MMP26: variants seen among roughly 807,000 people sequenced by gnomAD.
The protein encoded by MMP26 is matrix metalloproteinase-26.
MMP26 carries 33 observed loss-of-function variants against 31.0 expected under a neutral mutation model. The ratio of observed to expected loss-of-function variants is 1.06; its 90% CI spans 0.81 to 1.42. MMP26 has a LOEUF of 1.42. Ranked by LOEUF, MMP26 falls within the 40% of genes most tolerant of loss-of-function variation. MMP26 has a pLI of 0.00. For synonymous variants in MMP26, 122 were observed against 114.9 expected, an observed-to-expected ratio of 1.06 and a Z score of -0.40; for missense variants, 347 against 316.1, an observed-to-expected ratio of 1.10 and a Z score of -0.74.
At position 4,772,862 on chromosome 11, in the gene MMP26, C is replaced by T. The variant is rs117756283; in HGVS notation, c.-145+5521C>T. On this transcript the variant is annotated intron_variant, in intron 2 of 7. Coordinates refer to ENST00000380390, the MANE Select transcript of MMP26 (RefSeq NM_021801.5). Reference sequence around the variant, plus strand: ...AATAATACCAGTAATTTGTTCCTCACTCAGCTATTTTTCTTTGATTTCTAC... The same window carrying T: ...AATAATACCAGTAATTTGTTCCTCATTCAGCTATTTTTCTTTGATTTCTAC... Among the ~76,000 whole-genome samples the T allele has an allele frequency of 2.9e-3, 444 of 152,222 alleles. 2 individuals carry two copies. Among genetic ancestry groups the T allele is most frequent in the Non-Finnish European group, 3.5e-3 (241 of 68,008 alleles).
intron 1 of MMP26, among the ~76,000 whole-genome samples, chr11:4,732,490 G>A (rs2133284961): frequency 6.8e-6 from 1 of 146,158 alleles, no homozygotes; most frequent in East Asian, 2.0e-4. Flanking sequence ...TTTTGTGGCT[G>A]TACTTAATGT....
intron 1 of MMP26, among the ~76,000 whole-genome samples, chr11:4,748,639 C>T (rs554809005): frequency 3.7e-4 from 54 of 147,504 alleles, no homozygotes; most frequent in African/African-American, 1.1e-3. Context: ...GATGTCGCAA[C>T]GTAGGCAAAT....
chr11:4,941,812 G>A (rs1309743244), intron 2 of MMP26, among the ~76,000 whole-genome samples: 5 of 151,566 alleles, frequency 3.3e-5, no homozygotes, highest in Admixed American at 6.6e-5. Flanking sequence ...CCTGCTAGGT[G>A]CCGTGGCTCA....
At chr11:4,914,710 T>G (rs1490081614) in intron 2 of MMP26, 3 of 1,595,418 alleles carry the variant, frequency 1.9e-6, no homozygotes, top group Non-Finnish European at 2.6e-6. Flanking sequence ...GCTCTAACAC[T>G]AGACACAGTT....
chr11:4,879,882 C>T (rs1009374674), intron 2 of MMP26, among the ~76,000 whole-genome samples: 1 of 152,120 alleles, frequency 6.6e-6, no homozygotes, highest in African/African-American at 2.4e-5. Flanking sequence ...TCTTTCTGCT[C>T]TCCTAATCCA....
At chr11:4,881,855 CTT>C (rs1472602933) in intron 2 of MMP26, 13 of 1,507,300 alleles carry the variant, frequency 8.6e-6, no homozygotes, top group Non-Finnish European at 1.2e-5. Context: ...TATAAAGAAT[CTT>C]AATTATTTTT....
chr11:4,720,814 A>T (rs1299542506), intron 1 of MMP26, among the ~76,000 whole-genome samples: 1 of 152,212 alleles, frequency 6.6e-6, no homozygotes, highest in African/African-American at 2.4e-5. Context: ...GCTATAGCTC[A>T]TGCCTCAGGA....
chr11:4,857,829 A>T (rs1393550434), intron 2 of MMP26, among the ~76,000 whole-genome samples: 1 of 152,192 alleles, frequency 6.6e-6, no homozygotes, highest in Admixed American at 6.5e-5. Flanking sequence ...ATACTCAATA[A>T]AATACTGGCA....
chr11:4,838,932 G>C (rs1489872523), intron 2 of MMP26, among the ~76,000 whole-genome samples: 1 of 152,162 alleles, frequency 6.6e-6, no homozygotes, highest in African/African-American at 2.4e-5. Context: ...ATGCCGCGCT[G>C]CCCCTGTCAT....
intron 2 of MMP26, chr11:4,915,033 TAG>T: frequency 6.2e-7 from 1 of 1,613,936 alleles, no homozygotes; most frequent in Non-Finnish European, 8.5e-7. Flanking sequence ...ATACCCACTG[TAG>T]AGACGATGAC....
At chr11:4,733,388 C>G (rs1848198883) in intron 1 of MMP26, among the ~76,000 whole-genome samples, 1 of 152,032 alleles carries the variant, frequency 6.6e-6, no homozygotes, top group African/African-American at 2.4e-5. Flanking sequence ...AGTCTTATGC[C>G]TCTTTAATTG....
chr11:4,846,899 T>A (rs889932461), intron 2 of MMP26, among the ~76,000 whole-genome samples: 5 of 152,162 alleles, frequency 3.3e-5, no homozygotes, highest in African/African-American at 1.2e-4. Context: ...ACTACAGCAT[T>A]TGTTATAATT....
intron 2 of MMP26, among the ~76,000 whole-genome samples, chr11:4,840,009 C>T (rs1849772481): frequency 6.6e-6 from 1 of 152,084 alleles, no homozygotes; most frequent in African/African-American, 2.4e-5. Flanking sequence ...AGCCCTTGGG[C>T]CTTACAGGAA....
chr11:4,821,382 T>C (rs370963957), intron 2 of MMP26: 1 of 1,609,186 alleles, frequency 6.2e-7, no homozygotes, highest in Non-Finnish European at 8.5e-7. Flanking sequence ...ATGTGTTATG[T>C]TAAATGACTG....
intron 2 of MMP26, among the ~76,000 whole-genome samples, chr11:4,807,065 T>A (rs965495764): frequency 3.3e-5 from 5 of 152,166 alleles, no homozygotes; most frequent in African/African-American, 7.2e-5. Context: ...ATTTAAAAAA[T>A]AAATAAATAA....
At chr11:4,965,943 A>G (rs2133625869) in intron 2 of MMP26, among the ~76,000 whole-genome samples, 1 of 152,338 alleles carries the variant, frequency 6.6e-6, no homozygotes, top group African/African-American at 2.4e-5. Flanking sequence ...TTCCTCACTT[A>G]AAAAATAAAT....
At chr11:4,717,443 T>C (rs966289360) in intron 1 of MMP26, among the ~76,000 whole-genome samples, 2 of 152,128 alleles carry the variant, frequency 1.3e-5, no homozygotes, top group Admixed American at 6.5e-5. Context: ...AAAAACATAG[T>C]TGTAGCGGAA....
intron 2 of MMP26, among the ~76,000 whole-genome samples, chr11:4,813,275 C>A (rs915234529): frequency 6.6e-6 from 1 of 151,812 alleles, no homozygotes; most frequent in East Asian, 1.9e-4. Flanking sequence ...CTAAAGATGG[C>A]CTTGTATTTA....
intron 2 of MMP26, chr11:4,848,831 C>T (rs774806690): frequency 1.9e-6 from 3 of 1,614,160 alleles, no homozygotes; most frequent in Non-Finnish European, 2.5e-6. Context: ...GATCAATGGA[C>T]ATGGCGAGCA....
Sources: allele counts gnomAD v4.1 joint callset (sites outside exome capture counted in the v4.1 genomes callset), GRCh38; gene constraint gnomAD v4.1.1; transcripts MANE v1.5; gene names NCBI Gene and HGNC (gene_info 2026-07-23, HGNC 2026-07-21).